The following CCDC179 variants were observed in gnomAD, a reference collection of about 807,000 sequenced individuals.
The protein encoded by CCDC179 is coiled-coil domain containing 179, also known as coiled-coil domain-containing protein 179.
A neutral mutation model predicts 12.0 loss-of-function variants in CCDC179; 17 were observed. The observed-to-expected ratio is 1.42, with a 90% confidence interval of 0.97 to 2.13. The LOEUF (loss-of-function observed/expected upper bound fraction) is 2.13, where lower values mean the gene tolerates loss of function less well. Among genes scored for constraint, CCDC179 ranks in the 30% most tolerant of loss-of-function variants. The pLI, the probability that CCDC179 is intolerant of heterozygous loss-of-function variation, is 0.00. For synonymous variants in CCDC179, 27 were observed against 26.4 expected, an observed-to-expected ratio of 1.02 and a Z score of -0.07; for missense variants, 83 against 78.6, an observed-to-expected ratio of 1.06 and a Z score of -0.21.
chr11:22,854,211 A>G (rs1413816652), intron 3 of CCDC179, among the ~76,000 whole-genome samples: 3 of 152,010 alleles, frequency 2.0e-5, no homozygotes, highest in Middle Eastern at 3.4e-3. Context: ...AGAAGTTTTC[A>G]GAGAAAAGGA....
At position 22,860,449 on chromosome 11, in the gene CCDC179, C is replaced by T. The variant is rs371610656; in HGVS notation, c.-28G>A. On this transcript the variant is annotated 5_prime_UTR_variant, in exon 1 of 4. Coordinates refer to ENST00000532798, the MANE Select transcript of CCDC179 (RefSeq NM_001195637.2). ...CGTGGAGCCTTAGGGCGCCCCCTGACGCCTACTGCCTGTCCTGGACCAAAT... is the reference window on the plus strand; with the variant it reads ...CGTGGAGCCTTAGGGCGCCCCCTGATGCCTACTGCCTGTCCTGGACCAAAT... The T allele has an allele frequency of 1.1e-3, 1,728 of 1,530,242 alleles. 31 individuals are homozygous for T. In the South Asian group the frequency reaches 0.016, roughly 15 times the overall value. The allele number at this position is 1,530,242 out of a possible 1,614,324, so 94.8% of individuals were successfully genotyped here.
Position 22,860,372 on chromosome 11 carries a change from C to A in CCDC179, c.45+5G>T. 1 of 1,535,568 alleles carries A rather than the reference C, an allele frequency of 6.5e-7. No homozygotes were observed. Among genetic ancestry groups the A allele is most frequent in the South Asian group, 1.2e-5 (1 of 83,980 alleles). On this transcript the variant is annotated splice_donor_5th_base_variant and intron_variant, in intron 1 of 3. Coordinates refer to ENST00000532798, the MANE Select transcript of CCDC179 (RefSeq NM_001195637.2). Reference sequence around the variant, plus strand: ...AGTTGAGGTTGTAGGCCCCAGCAGACTCACAGGGTTGACTTGGGAAGGCTC... The same window carrying A: ...AGTTGAGGTTGTAGGCCCCAGCAGAATCACAGGGTTGACTTGGGAAGGCTC...
At chr11:22,848,872 T>C (rs1292691969) in intron 3 of CCDC179, among the ~76,000 whole-genome samples, 1 of 152,220 alleles carries the variant, frequency 6.6e-6, no homozygotes, top group East Asian at 1.9e-4. Context: ...TAAACATTTG[T>C]ATTCATTTGT....
Position 22,850,970 on chromosome 11 carries a change from A to ATT in CCDC179, c.196-3450_196-3449insAA, listed in dbSNP as rs1564915139. Among the ~76,000 whole-genome samples, 58 of 6,336 alleles carry ATT rather than the reference A, an allele frequency of 9.2e-3. 1 individual carries two copies. The highest frequency in any genetic ancestry group is 0.025 in the Non-Finnish European group (43 of 1,740). The allele number at this position is 6,336 out of a possible 152,430, so 4.2% of individuals were successfully genotyped here. On this transcript the variant is annotated intron_variant, in intron 3 of 3. Transcript: ENST00000532798. ...TATATATATATATATATATATATAT[A>ATT]TATATATTTTTTTTTTTTTTTTTTT...
intron 3 of CCDC179, among the ~76,000 whole-genome samples, chr11:22,855,332 T>C (rs141385912): frequency 1.3e-5 from 2 of 151,720 alleles, no homozygotes; most frequent in East Asian, 3.9e-4. Context: ...TTTAAAAGGA[T>C]AGAAATCATA....
intron 3 of CCDC179, among the ~76,000 whole-genome samples, chr11:22,852,678 A>C (rs1312052373): frequency 1.3e-5 from 2 of 152,134 alleles, no homozygotes; most frequent in Non-Finnish European, 2.9e-5. Context: ...GCCCATTCCC[A>C]TAGGCCCCTG....
rs978949474 is a variant in CCDC179 at position 22,855,343 on chromosome 11, CAA to C, written c.195+2577_195+2578del. On this transcript the variant is annotated intron_variant, in intron 3 of 3. Transcript: ENST00000532798. ...CAAATTTAAAAGGATAGAAATCATA[CAA>C]AGTGTGTTCTCAGACCACAGTGGAG... Among the ~76,000 whole-genome samples, 154 of 151,580 alleles carry C rather than the reference CAA, an allele frequency of 1.0e-3. 1 individual carries two copies. Among genetic ancestry groups the C allele is most frequent in the African/African-American group, 3.5e-3 (145 of 41,482 alleles).
intron 2 of CCDC179, among the ~76,000 whole-genome samples, chr11:22,859,166 A>G (rs1450764713): frequency 1.3e-5 from 2 of 152,130 alleles, no homozygotes; most frequent in Non-Finnish European, 2.9e-5. Context: ...GAAATACCTA[A>G]TATTTTAATC....
intron 1 of CCDC179, 115 bp downstream of exon 1, chr11:22,860,262 G>A: frequency 8.2e-7 from 1 of 1,215,964 alleles, no homozygotes; most frequent in East Asian, 2.7e-5. Flanking sequence ...CCAACCCCCA[G>A]CACCAAACCA....
chr11:22,851,584 A>C (rs992613070), intron 3 of CCDC179, among the ~76,000 whole-genome samples: 1 of 152,204 alleles, frequency 6.6e-6, no homozygotes, highest in South Asian at 2.1e-4. Flanking sequence ...TTCCTTCCTT[A>C]CAATAAGAAA....
intron 2 of CCDC179, 117 bp downstream of exon 2, chr11:22,859,322 GAGTCCCAAGAAAT>G: frequency 2.2e-6 from 1 of 458,776 alleles, no homozygotes; most frequent in Non-Finnish European, 3.6e-6. Context: ...TTAGATCCCA[GAGTCCCAAGAAAT>G]ATACTGAAGT....
At chr11:22,857,498 A>G (rs992724167) in intron 3 of CCDC179, among the ~76,000 whole-genome samples, 1 of 151,910 alleles carries the variant, frequency 6.6e-6, no homozygotes. Flanking sequence ...GACACCTTTC[A>G]GTAACATTAA....
chr11:22,848,182 G>A (rs766993803), intron 3 of CCDC179, among the ~76,000 whole-genome samples: 5 of 152,146 alleles, frequency 3.3e-5, no homozygotes, highest in South Asian at 2.1e-4. Context: ...GGTGGCTTAC[G>A]CCTGTAATCC....
rs1412179216 is a variant in CCDC179, at chr11:22,857,895, TA to T, written c.195+26del. ...ATATCAGTTGCATTTAATGATCTGT[TA>T]ATTTCAGTGAAACCTCTATACTTAC... On this transcript the variant is annotated intron_variant, in intron 3 of 3. Transcript: ENST00000532798. 3 of 1,156,066 alleles carry T rather than the reference TA, an allele frequency of 2.6e-6. No homozygotes were observed. In the Admixed American group the frequency reaches 8.7e-5, roughly 34 times the overall value. 71.6% of individuals were successfully genotyped at this position (1,156,066 alleles called of 1,614,324 possible). A position where few individuals can be genotyped will look rare whatever the true frequency, so the allele number is the denominator to read the frequency against.
At chr11:22,850,970 A>T (rs957041808) in intron 3 of CCDC179, among the ~76,000 whole-genome samples, 474 of 6,312 alleles carry the variant, frequency 0.075, 41 homozygotes, top group East Asian at 0.21. Context: ...ATATATATAT[A>T]TATATATTTT....
intron 3 of CCDC179, among the ~76,000 whole-genome samples, chr11:22,852,881 A>G (rs1040040075): frequency 1.3e-5 from 2 of 152,222 alleles, no homozygotes; most frequent in Non-Finnish European, 2.9e-5. Flanking sequence ...GCAGTTATAG[A>G]TACAGACTCA....
intron 3 of CCDC179, among the ~76,000 whole-genome samples, chr11:22,849,119 C>G (rs1043266653): frequency 6.6e-6 from 1 of 152,090 alleles, no homozygotes; most frequent in African/African-American, 2.4e-5. Flanking sequence ...TATTGCTATT[C>G]TTTGAAAAGT....
chr11:22,859,460 C>A lies in CCDC179; in HGVS notation c.82G>T (p.Glu28Ter). The A allele has an allele frequency of 6.7e-7, 1 of 1,498,102 alleles. No individual in the cohort carries two copies. Among genetic ancestry groups the A allele is most frequent in the South Asian group, 1.3e-5 (1 of 75,174 alleles). 92.8% of individuals were successfully genotyped at this position (1,498,102 alleles called of 1,614,324 possible). Residue 28 changes from glutamate to a stop codon, truncating the protein, a stop_gained, in exon 2 of 4, where the codon GAG (glutamate) becomes TAG (stop). Coordinates refer to ENST00000532798, the MANE Select transcript of CCDC179 (RefSeq NM_001195637.2). LOFTEE classifies it high-confidence loss of function. ...PRQHHPSEVT[E>*]RQLANKRIQN... ...CTTTATTTAAACATTACCTGCCGCT[C>A]AGTGACCTCTGAAGGATGATGTTGT... is the stretch of plus-strand genomic sequence containing the variant.
chr11:22,850,956 A>ATT (rs1361820700), intron 3 of CCDC179, among the ~76,000 whole-genome samples: 5 of 6,284 alleles, frequency 8.0e-4, no homozygotes, highest in Non-Finnish European at 2.8e-3. Flanking sequence ...ATATATATAT[A>ATT]TATATATATA....
Sources: gnomAD v4.1 joint callset for allele counts (sites outside exome capture counted in the v4.1 genomes callset) on GRCh38, gnomAD v4.1.1 for gene constraint, MANE v1.5 for transcripts, NCBI Gene and HGNC (gene_info 2026-07-23, HGNC 2026-07-21) for gene names.